The following DIPK1A variants were observed in gnomAD, a reference collection of about 807,000 sequenced individuals.
The protein encoded by DIPK1A is family with sequence similarity 69 member A.
DIPK1A carries 27 observed loss-of-function variants against 40.8 expected under a neutral mutation model. That is an observed-to-expected ratio of 0.66 (90% CI 0.49 to 0.91). The LOEUF (loss-of-function observed/expected upper bound fraction) is 0.91, where lower values mean the gene tolerates loss of function less well. Among genes scored for constraint, DIPK1A ranks in the 40% least tolerant of loss-of-function variants. The probability of loss-of-function intolerance (pLI) is 0.00; values close to 1 mark genes in which losing one functional copy is unlikely to be tolerated. For missense variants in DIPK1A, 412 were observed against 505.7 expected (o/e 0.81, Z 1.78); for synonymous variants, 166 against 171.3 (o/e 0.97, Z 0.24).
chr1:92,836,621 T>C (rs1441033707), intron 4 of DIPK1A: 6 of 543,346 alleles, frequency 1.1e-5, no homozygotes, highest in East Asian at 3.3e-5. Flanking sequence ...GGGCCAGTTA[T>C]TGAAAGAGAT....
At chr1:92,943,109 CT>C (rs1353260990) in intron 1 of DIPK1A, among the ~76,000 whole-genome samples, 2 of 152,216 alleles carry the variant, frequency 1.3e-5, no homozygotes, top group Non-Finnish European at 2.9e-5. Flanking sequence ...ATGTTTGCTA[CT>C]TACAGCTTGC....
At chr1:92,900,594 T>C (rs545890113) in intron 1 of DIPK1A, among the ~76,000 whole-genome samples, 1 of 152,166 alleles carries the variant, frequency 6.6e-6, no homozygotes, top group Non-Finnish European at 1.5e-5. Flanking sequence ...ATTCCTTTTC[T>C]AGAAATTCAC....
intron 1 of DIPK1A, among the ~76,000 whole-genome samples, chr1:92,952,701 A>G (rs778949494): frequency 1.1e-4 from 17 of 152,206 alleles, no homozygotes; most frequent in Non-Finnish European, 2.1e-4. Flanking sequence ...TTGATACAAT[A>G]CTACTATCCA....
At chr1:92,943,726 A>G (rs1034225454) in intron 1 of DIPK1A, among the ~76,000 whole-genome samples, 1 of 152,216 alleles carries the variant, frequency 6.6e-6, no homozygotes, top group Non-Finnish European at 1.5e-5. Flanking sequence ...AAGGCATCCC[A>G]TCCTACATAC....
chr1:92,846,849 A>G (rs1244569762), intron 4 of DIPK1A, among the ~76,000 whole-genome samples: 6 of 8,882 alleles, frequency 6.8e-4, no homozygotes, highest in African/African-American at 1.5e-3. Context: ...ATATGTGTGT[A>G]TATATATATG....
chr1:92,889,576 T>A (rs368195718), intron 1 of DIPK1A, among the ~76,000 whole-genome samples: 5 of 152,302 alleles, frequency 3.3e-5, no homozygotes, highest in East Asian at 1.9e-4. Context: ...AATCTGTAGA[T>A]TGCTTTTGGT....
intron 1 of DIPK1A, among the ~76,000 whole-genome samples, chr1:92,937,987 T>G (rs1329458777): frequency 6.6e-6 from 1 of 152,228 alleles, no homozygotes; most frequent in African/African-American, 2.4e-5. Context: ...AACCTAATAA[T>G]AGTCTGGCAG....
intron 1 of DIPK1A, among the ~76,000 whole-genome samples, chr1:92,888,374 T>C (rs1200479333): frequency 6.6e-6 from 1 of 152,216 alleles, no homozygotes; most frequent in African/African-American, 2.4e-5. Flanking sequence ...ATTTCATTGC[T>C]TTTTATAGCT....
intron 1 of DIPK1A, among the ~76,000 whole-genome samples, chr1:92,958,656 T>A (rs1324247396): frequency 6.6e-6 from 1 of 152,222 alleles, no homozygotes; most frequent in African/African-American, 2.4e-5. Flanking sequence ...AAACCAGACA[T>A]CTGTATTCTA....
At chr1:92,885,244 C>T (rs549794758) in intron 1 of DIPK1A, among the ~76,000 whole-genome samples, 4 of 152,324 alleles carry the variant, frequency 2.6e-5, no homozygotes, top group Admixed American at 6.5e-5. Flanking sequence ...ACTGTTGATA[C>T]AGCCTGAGAA....
chr1:92,877,032 C>A (rs1045122382), intron 1 of DIPK1A: 38 of 985,046 alleles, frequency 3.9e-5, no homozygotes, highest in Non-Finnish European at 4.5e-5. Context: ...ACTGAGGAGA[C>A]GCTAACAATT....
chr1:92,852,153 A>C (rs1571056892), intron 2 of DIPK1A, among the ~76,000 whole-genome samples: 1 of 152,316 alleles, frequency 6.6e-6, no homozygotes, highest in Admixed American at 6.5e-5. Context: ...TCTATACAGC[A>C]AATCTACAAG....
intron 1 of DIPK1A, among the ~76,000 whole-genome samples, chr1:92,936,015 G>A (rs1650931364): frequency 1.3e-5 from 2 of 152,134 alleles, no homozygotes; most frequent in South Asian, 2.1e-4. Context: ...GGGCCCAAGA[G>A]TTCAAGGCTG....
intron 2 of DIPK1A, 150 bp downstream of exon 2, chr1:92,876,146 T>A (rs1358673719): frequency 4.3e-6 from 2 of 467,620 alleles, no homozygotes; most frequent in Non-Finnish European, 6.9e-6. Flanking sequence ...AAAACTTTAC[T>A]AATGGGTCAT....
chr1:92,858,100 C>T (rs1688047745), intron 2 of DIPK1A, among the ~76,000 whole-genome samples: 1 of 152,142 alleles, frequency 6.6e-6, no homozygotes, highest in Admixed American at 6.5e-5. Flanking sequence ...GAAGTGTATG[C>T]TGGGTTTTTA....
Position 92,836,265 on chromosome 1 carries a change from A to C in DIPK1A, c.475-3231T>G, listed in dbSNP as rs1687120549. On this transcript the variant is annotated intron_variant, in intron 4 of 4. Coordinates refer to the DIPK1A transcript ENST00000615519. ...GACTGGTGATGAATACAATGTGGAA[A>C]GCATTGATGGTCAGCCAGGTGCCTT... The C allele has an allele frequency of 1.9e-6, 3 of 1,614,036 alleles. No homozygotes were observed. Among genetic ancestry groups the C allele is most frequent in the Non-Finnish European group, 2.5e-6 (3 of 1,179,998 alleles).
At chr1:92,872,856 G>A (rs1179932898) in intron 2 of DIPK1A, among the ~76,000 whole-genome samples, 4 of 152,176 alleles carry the variant, frequency 2.6e-5, no homozygotes, top group Non-Finnish European at 4.4e-5. Context: ...CTGCCAAAGA[G>A]TCTGTTCTGC....
Position 92,872,027 on chromosome 1 carries a change from G to C in DIPK1A, c.189+4269C>G, listed in dbSNP as rs189148067. On this transcript the variant is annotated intron_variant, in intron 2 of 4. Coordinates refer to ENST00000370310, the MANE Select transcript of DIPK1A (RefSeq NM_001006605.5). The stretch of plus-strand genomic sequence containing the variant: ...ATGGTAATTCCATGTTTAACAATTT[G>C]AGAACCCTCCATACTATTTTCCTGA... Among the ~76,000 whole-genome samples the C allele has an allele frequency of 3.9e-3, 552 of 141,852 alleles. 2 individuals carry two copies. The highest frequency in any genetic ancestry group is 7.4e-3 in the Middle Eastern group (2 of 272). The allele number at this position is 141,852 out of a possible 152,430, so 93.1% of individuals were successfully genotyped here.
intron 1 of DIPK1A, among the ~76,000 whole-genome samples, chr1:92,918,141 G>A (rs914584849): frequency 4.6e-5 from 7 of 152,014 alleles, no homozygotes; most frequent in African/African-American, 1.7e-4. Context: ...TGTTGATCTA[G>A]GTAAGGAGTC....
Sources: allele counts gnomAD v4.1 joint callset (sites outside exome capture counted in the v4.1 genomes callset), GRCh38; gene constraint gnomAD v4.1.1; transcripts MANE v1.5; gene names NCBI Gene and HGNC (gene_info 2026-07-23, HGNC 2026-07-21).